Variants in ARHGAP15 observed in about 807,000 individuals in gnomAD.
ARHGAP15 encodes rho GTPase-activating protein 15.
ARHGAP15 carries 51 observed loss-of-function variants against 63.7 expected under a neutral mutation model. That is an observed-to-expected ratio of 0.80 (90% CI 0.64 to 1.01). The LOEUF is 1.01. Ranked by LOEUF, ARHGAP15 falls within the 50% of genes least tolerant of loss-of-function variation. ARHGAP15 has a pLI of 0.00. For synonymous variants in ARHGAP15, 191 were observed against 193.8 expected (o/e 0.99, Z 0.12); for missense variants, 560 against 564.6 (o/e 0.99, Z 0.08).
intron 9 of ARHGAP15, among the ~76,000 whole-genome samples, chr2:143,490,130 G>A (rs540162374): frequency 2.6e-5 from 4 of 152,042 alleles, no homozygotes; most frequent in Non-Finnish European, 5.9e-5. Context: ...CTCCCGAGTA[G>A]CTGGGACTAC....
At chr2:143,413,091 T>C (rs547028566) in intron 6 of ARHGAP15, among the ~76,000 whole-genome samples, 1 of 152,338 alleles carries the variant, frequency 6.6e-6, no homozygotes, top group African/African-American at 2.4e-5. Context: ...TCAAATTCTC[T>C]ATTTGTTGTC....
At chr2:143,657,515 AATTT>A (rs752404780) in intron 12 of ARHGAP15, among the ~76,000 whole-genome samples, 57 of 152,308 alleles carry the variant, frequency 3.7e-4, no homozygotes, top group Non-Finnish European at 7.1e-4. Context: ...TTCTTCCTGG[AATTT>A]ATTATGAATT....
intron 6 of ARHGAP15, among the ~76,000 whole-genome samples, chr2:143,374,970 C>T (rs987791409): frequency 6.6e-6 from 1 of 152,072 alleles, no homozygotes; most frequent in African/African-American, 2.4e-5. Context: ...ATATGATCAT[C>T]ACAGATTCAC....
chr2:143,432,465 A>G (rs1051158591), intron 6 of ARHGAP15, among the ~76,000 whole-genome samples: 1 of 152,086 alleles, frequency 6.6e-6, no homozygotes, highest in Non-Finnish European at 1.5e-5. Flanking sequence ...TCTAAAACGC[A>G]AATTTCTTCG....
chr2:143,669,000 T>G lies in ARHGAP15; in HGVS notation c.1139-34419T>G, dbSNP rs182413278. On this transcript the variant is annotated intron_variant, in intron 12 of 13. Transcript: ENST00000295095. Reference sequence around the variant, plus strand: ...CAGAATTTTAATTGTTTTTTAACATTGGAATTGGTAACCAGGTTGAAAGTC... The same window carrying G: ...CAGAATTTTAATTGTTTTTTAACATGGGAATTGGTAACCAGGTTGAAAGTC... Among the ~76,000 whole-genome samples the G allele has an allele frequency of 1.4e-4, 21 of 152,334 alleles. No homozygotes were observed. The East Asian group carries it at 3.7e-3, about 27-fold the overall frequency.
intron 13 of ARHGAP15, among the ~76,000 whole-genome samples, chr2:143,708,780 A>G (rs1250571070): frequency 2.0e-5 from 3 of 152,182 alleles, no homozygotes; most frequent in Non-Finnish European, 4.4e-5. Context: ...ATAGACTTCT[A>G]GTTCCCTTGC....
chr2:143,571,640 C>T lies in ARHGAP15; in HGVS notation c.1003+15155C>T, dbSNP rs546428497. ...GTATTGGTGGCATCTGCATTTCTTG[C>T]TGTTTCACCATCTCCTCATCCTTTC... On this transcript the variant is annotated intron_variant, in intron 11 of 13. Coordinates refer to ENST00000295095, the MANE Select transcript of ARHGAP15 (RefSeq NM_018460.4). Among the ~76,000 whole-genome samples, 8 of 152,282 alleles carry T rather than the reference C, an allele frequency of 5.3e-5. No individual in the cohort carries two copies. In the South Asian group the frequency reaches 1.7e-3, roughly 32 times the overall value.
intron 11 of ARHGAP15, among the ~76,000 whole-genome samples, chr2:143,580,744 T>C (rs1696867656): frequency 6.6e-6 from 1 of 152,174 alleles, no homozygotes. Flanking sequence ...TGGTACATAA[T>C]TCTAATTAAT....
intron 13 of ARHGAP15, among the ~76,000 whole-genome samples, chr2:143,758,491 T>TAAAC (rs765629250): frequency 1.3e-5 from 2 of 152,006 alleles, no homozygotes; most frequent in African/African-American, 4.8e-5. Context: ...TAAAATGGGT[T>TAAAC]AAACAAACAA....
At chr2:143,574,436 T>C (rs1036603940) in intron 11 of ARHGAP15, among the ~76,000 whole-genome samples, 1 of 152,032 alleles carries the variant, frequency 6.6e-6, no homozygotes, top group Non-Finnish European at 1.5e-5. Context: ...CCACAGTCTT[T>C]AGGATTTATT....
chr2:143,458,830 C>T (rs1040048740), intron 8 of ARHGAP15, among the ~76,000 whole-genome samples: 1 of 152,078 alleles, frequency 6.6e-6, no homozygotes, highest in African/African-American at 2.4e-5. Context: ...AAAATATTTG[C>T]AATACTTGGA....
intron 2 of ARHGAP15, among the ~76,000 whole-genome samples, chr2:143,189,557 G>A (rs900791294): frequency 6.7e-6 from 1 of 149,748 alleles, no homozygotes; most frequent in Non-Finnish European, 1.5e-5. Flanking sequence ...CCCCTCTCAG[G>A]TTCAAGCGAC....
chr2:143,538,286 C>T (rs889538601), intron 10 of ARHGAP15, among the ~76,000 whole-genome samples: 17 of 152,104 alleles, frequency 1.1e-4, no homozygotes, highest in Admixed American at 6.5e-4. Flanking sequence ...TGGGCTGAGA[C>T]AATGGGGTTT....
At chr2:143,145,614 T>C (rs1479633587) in intron 1 of ARHGAP15, among the ~76,000 whole-genome samples, 1 of 152,040 alleles carries the variant, frequency 6.6e-6, no homozygotes, top group Non-Finnish European at 1.5e-5. Flanking sequence ...TCACTTGTTG[T>C]ATAACTCTTC....
rs552078038 is a variant in ARHGAP15, at chr2:143,325,875, T to C, written c.474+75275T>C. 1.2e-4 allele frequency among the ~76,000 whole-genome samples: 19 copies of C among 152,268 alleles called. No individual in the cohort carries two copies. The East Asian group carries it at 3.7e-3, about 29-fold the overall frequency. Reference sequence around the variant, plus strand: ...TCTACTATTTATTATATGCCAGAAATAATCACCAGGAAGAATGATGACAAG... The same window carrying C: ...TCTACTATTTATTATATGCCAGAAACAATCACCAGGAAGAATGATGACAAG... On this transcript the variant is annotated intron_variant, in intron 6 of 13. Transcript: ENST00000295095.
Position 143,164,259 on chromosome 2 carries a change from C to T in ARHGAP15, c.165+8604C>T, listed in dbSNP as rs79039564. ...TTCCTAAAGAGATGTGGGTAAAGTA[C>T]GTGTCAGTTTTCAAAGAGCATATTA... is the stretch of plus-strand genomic sequence containing the variant. On this transcript the variant is annotated intron_variant, in intron 2 of 13. Transcript: ENST00000295095. 3.7e-3 allele frequency among the ~76,000 whole-genome samples: 566 copies of T among 152,104 alleles called. 1 individual carries two copies. Among genetic ancestry groups the T allele is most frequent in the African/African-American group, 0.013 (545 of 41,520 alleles).
chr2:143,449,625 T>G (rs1311131540), intron 8 of ARHGAP15, among the ~76,000 whole-genome samples: 4 of 152,046 alleles, frequency 2.6e-5, no homozygotes, highest in Admixed American at 2.6e-4. Flanking sequence ...CAGGCTGCAC[T>G]TCAGTCAAGC....
intron 13 of ARHGAP15, among the ~76,000 whole-genome samples, chr2:143,755,857 T>C (rs1221541109): frequency 1.3e-5 from 2 of 152,002 alleles, no homozygotes; most frequent in Non-Finnish European, 2.9e-5. Context: ...TCCTAGCTAC[T>C]TGGGAGGCTG....
chr2:143,254,356 C>T (rs1680311755), intron 6 of ARHGAP15, among the ~76,000 whole-genome samples: 1 of 151,470 alleles, frequency 6.6e-6, no homozygotes, highest in Non-Finnish European at 1.5e-5. Flanking sequence ...CAGTTACAGT[C>T]TTTCAATAAG....
Sources: allele counts gnomAD v4.1 joint callset (sites outside exome capture counted in the v4.1 genomes callset), GRCh38; gene constraint gnomAD v4.1.1; transcripts MANE v1.5; gene names NCBI Gene and HGNC (gene_info 2026-07-23, HGNC 2026-07-21).